Variants in FAM133A observed in about 807,000 individuals in gnomAD.
FAM133A encodes protein FAM133A.
For synonymous variants in FAM133A, 65 were observed against 58.6 expected, an observed-to-expected ratio of 1.11 and a Z score of -0.50; for missense variants, 159 against 164.4, an observed-to-expected ratio of 0.97 and a Z score of 0.18.
Position 93,710,237 on chromosome X carries a change from G to A in FAM133A, c.*71G>A. The A allele has an allele frequency of 2.8e-6, 3 of 1,086,208 alleles. No individual in the cohort carries two copies. The highest frequency in any genetic ancestry group is 1.2e-6 in the Non-Finnish European group (1 of 829,687). The allele number at this position is 1,086,208 out of a possible 1,213,427, so 89.5% of individuals were successfully genotyped here. On this transcript the variant is annotated 3_prime_UTR_variant, in exon 4 of 4. Transcript: ENST00000683942. ...TAGTAGAATTATTTCTGGACTTTGA[G>A]TTGCCTATCAAATCCCACTGTGCCA...
chrX:93,702,862 A>AC (rs1489463681), intron 3 of FAM133A, among the ~76,000 whole-genome samples: 2 of 105,297 alleles, frequency 1.9e-5, no homozygotes, highest in Non-Finnish European at 3.9e-5. Flanking sequence ...AAAAAAAAAA[A>AC]AAAAAAAACA....
At chrX:93,706,396 GT>G (rs2147665791) in intron 3 of FAM133A, among the ~76,000 whole-genome samples, 1 of 111,479 alleles carries the variant, frequency 9.0e-6, no homozygotes, top group East Asian at 2.8e-4. Context: ...TTGGTGTTCA[GT>G]TGGATCCAGT....
At chrX:93,688,819 G>C (rs906129597) in intron 2 of FAM133A, among the ~76,000 whole-genome samples, 1 of 110,191 alleles carries the variant, frequency 9.1e-6, no homozygotes, top group Non-Finnish European at 1.9e-5. Flanking sequence ...AAAAATACAA[G>C]TATGAGACAC....
intron 3 of FAM133A, among the ~76,000 whole-genome samples, chrX:93,707,007 A>G (rs2147667543): frequency 8.9e-6 from 1 of 112,214 alleles, no homozygotes; most frequent in South Asian, 3.7e-4. Flanking sequence ...CACAGGAGAG[A>G]TTCCAACCAC....
intron 2 of FAM133A, among the ~76,000 whole-genome samples, chrX:93,684,971 T>A (rs1349951409): frequency 9.0e-6 from 1 of 111,624 alleles, no homozygotes; most frequent in Non-Finnish European, 1.9e-5. Flanking sequence ...ATTGTACAAT[T>A]TTTAAAGAGC....
At chrX:93,684,187 A>G (rs1925358026) in intron 2 of FAM133A, among the ~76,000 whole-genome samples, 1 of 111,412 alleles carries the variant, frequency 9.0e-6, no homozygotes, top group African/African-American at 3.3e-5. Flanking sequence ...ATAGGCAGAG[A>G]GGTGGGGGAG....
chrX:93,709,037 A>C (rs937621560), intron 3 of FAM133A, among the ~76,000 whole-genome samples: 18 of 111,928 alleles, frequency 1.6e-4, no homozygotes, highest in African/African-American at 5.8e-4. Context: ...GAAAAAGTTA[A>C]GTATCATACA....
intron 2 of FAM133A, among the ~76,000 whole-genome samples, chrX:93,689,468 TAGAA>T (rs1165837463): frequency 8.9e-6 from 1 of 112,189 alleles, no homozygotes; most frequent in Non-Finnish European, 1.9e-5. Context: ...TTTATTGACT[TAGAA>T]AGATGATCAT....
rs183485262 is a variant in FAM133A, at chrX:93,686,035, G to A, written c.-193+11283G>A. On this transcript the variant is annotated intron_variant, in intron 2 of 3. Coordinates refer to ENST00000683942, the MANE Select transcript of FAM133A (RefSeq NM_001171109.2). ...GAGGCAGAGAATCACTTGAACCTGGGAGGCGGAGGCTGCAGTGAGCCTAGA... is the reference window on the plus strand; with the variant it reads ...GAGGCAGAGAATCACTTGAACCTGGAAGGCGGAGGCTGCAGTGAGCCTAGA... Among the ~76,000 whole-genome samples the A allele has an allele frequency of 7.2e-4, 74 of 103,237 alleles. No individual in the cohort carries two copies. The East Asian group carries it at 0.023, about 32-fold the overall frequency. The allele number at this position is 103,237 out of a possible 115,157, so 89.6% of individuals were successfully genotyped here.
intron 2 of FAM133A, among the ~76,000 whole-genome samples, chrX:93,695,401 G>A (rs1283382966): frequency 8.6e-5 from 9 of 104,873 alleles, no homozygotes; most frequent in Admixed American, 4.1e-4. Flanking sequence ...TTACAGGCGC[G>A]TGCCACCACG....
intron 2 of FAM133A, among the ~76,000 whole-genome samples, chrX:93,679,673 C>T (rs184550799): frequency 1.0e-3 from 112 of 109,370 alleles, no homozygotes; most frequent in East Asian, 7.5e-3. Flanking sequence ...TATATATTAC[C>T]GTAAATACTT....
intron 2 of FAM133A, among the ~76,000 whole-genome samples, chrX:93,692,994 T>C (rs1290561677): frequency 9.0e-6 from 1 of 111,293 alleles, no homozygotes; most frequent in Non-Finnish European, 1.9e-5. Context: ...GGAAAGAATA[T>C]GATTGTTTAA....
In FAM133A at chrX:93,709,509, C is replaced by T; in HGVS notation, c.90C>T (p.Ile30=). The T allele has an allele frequency of 8.3e-7, 1 of 1,207,220 alleles. No individual in the cohort carries two copies. Among genetic ancestry groups the T allele is most frequent in the Non-Finnish European group, 1.1e-6 (1 of 894,109 alleles). The change falls in exon 4 of 4, where the codon ATC becomes ATT. Residue 30 remains isoleucine, a synonymous_variant. Transcript: ENST00000683942. ...CAACTCAATCTGTGGGCCCAACAAT[C>T]CAAGATTATCTAAATCGACCAAGAC... ...RGPTQSVGPT[I]QDYLNRPRPT...
At chrX:93,676,678 C>G (rs1281121234) in intron 2 of FAM133A, among the ~76,000 whole-genome samples, 1 of 106,792 alleles carries the variant, frequency 9.4e-6, no homozygotes, top group African/African-American at 3.4e-5. Context: ...TTACAGATTA[C>G]TACTTAACCA....
chrX:93,711,693 A>G lies in FAM133A; in HGVS notation c.*1527A>G, dbSNP rs1416931475. ...AAAGATAAAAAACATCTACATAAAC[A>G]TGTTGGCTGCCAAATTTTTTGCATT... is the stretch of plus-strand genomic sequence containing the variant. On this transcript the variant is annotated 3_prime_UTR_variant, in exon 4 of 4. Transcript: ENST00000683942. 8.2e-6 allele frequency: 1 copy of G among 122,376 alleles called. No individual in the cohort carries two copies. The highest frequency in any genetic ancestry group is 1.9e-5 in the Non-Finnish European group (1 of 53,041). 10.1% of individuals were successfully genotyped at this position (122,376 alleles called of 1,213,427 possible). A position where few individuals can be genotyped will look rare whatever the true frequency, so the allele number is the denominator to read the frequency against.
chrX:93,706,973 C>T (rs1299348791), intron 3 of FAM133A, among the ~76,000 whole-genome samples: 1 of 112,001 alleles, frequency 8.9e-6, no homozygotes, highest in East Asian at 2.8e-4. Flanking sequence ...AATAGTGTCT[C>T]CCCGTTAGCT....
intron 2 of FAM133A, among the ~76,000 whole-genome samples, chrX:93,685,353 C>T: frequency 9.0e-6 from 1 of 111,532 alleles, no homozygotes; most frequent in Middle Eastern, 4.6e-3. Flanking sequence ...TTTATGATAT[C>T]CTTTTTTCCT....
chrX:93,694,423 T>C (rs1353821292), intron 2 of FAM133A, among the ~76,000 whole-genome samples: 2 of 110,928 alleles, frequency 1.8e-5, no homozygotes, highest in Non-Finnish European at 3.8e-5. Flanking sequence ...AAGGTGAAAT[T>C]AGGAAAAATT....
At chrX:93,685,130 A>G (rs1925426592) in intron 2 of FAM133A, among the ~76,000 whole-genome samples, 1 of 111,875 alleles carries the variant, frequency 8.9e-6, no homozygotes, top group African/African-American at 3.2e-5. Context: ...CTGTGAAATT[A>G]CTTTTAATTG....
Sources: allele counts gnomAD v4.1 joint callset (sites outside exome capture counted in the v4.1 genomes callset), GRCh38; gene constraint gnomAD v4.1.1; transcripts MANE v1.5; gene names NCBI Gene and HGNC (gene_info 2026-07-23, HGNC 2026-07-21).